Variants in RGS6 observed in about 807,000 individuals in gnomAD.
RGS6 encodes regulator of G protein signaling 6, also known as regulator of G-protein signaling 6.
In RGS6, 30 loss-of-function variants were observed where a neutral mutation model predicts 78.5. That is an observed-to-expected ratio of 0.38 (90% CI 0.29 to 0.52). The LOEUF is 0.52. Among genes scored for constraint, RGS6 ranks in the 20% least tolerant of loss-of-function variants. RGS6 has a pLI of 0.85. For missense variants in RGS6, 495 were observed against 609.7 expected, an observed-to-expected ratio of 0.81 and a Z score of 1.98; for synonymous variants, 206 against 206.0, an observed-to-expected ratio of 1.00 and a Z score of 0.00.
intron 2 of RGS6, among the ~76,000 whole-genome samples, chr14:72,268,631 A>C (rs892372305): frequency 6.6e-6 from 1 of 152,232 alleles, no homozygotes; most frequent in African/African-American, 2.4e-5. Flanking sequence ...CAGTTACTAT[A>C]AGCTACTCGT....
rs78185095 is a variant in RGS6, at chr14:72,221,906, G to A, written c.85-130189G>A. On this transcript the variant is annotated intron_variant, in intron 2 of 17. Coordinates refer to ENST00000553525, the MANE Select transcript of RGS6 (RefSeq NM_001204424.2). ...CCACTTGTTTGCAGCTCCATGGGAA[G>A]AAGTGCTAAGAAGAAAAAAGGAGAT... Among the ~76,000 whole-genome samples the A allele has an allele frequency of 8.3e-4, 126 of 152,314 alleles. 1 individual carries two copies. Among genetic ancestry groups the A allele is most frequent in the African/African-American group, 2.7e-3 (114 of 41,574 alleles).
At chr14:72,225,390 A>C (rs1459128573) in intron 2 of RGS6, among the ~76,000 whole-genome samples, 1 of 152,166 alleles carries the variant, frequency 6.6e-6, no homozygotes, top group Non-Finnish European at 1.5e-5. Context: ...TGATGCAATC[A>C]CAGCCCTCTG....
At chr14:72,293,109 G>A (rs1250063768) in intron 2 of RGS6, among the ~76,000 whole-genome samples, 2 of 152,162 alleles carry the variant, frequency 1.3e-5, no homozygotes, top group East Asian at 3.9e-4. Flanking sequence ...GTGCTAGTTA[G>A]TTTCTTTGAC....
chr14:72,212,566 T>C (rs1006955803), intron 2 of RGS6, among the ~76,000 whole-genome samples: 1 of 152,222 alleles, frequency 6.6e-6, no homozygotes, highest in Non-Finnish European at 1.5e-5. Context: ...CAGTGACACA[T>C]CAGAGATTTA....
chr14:72,074,261 A>T (rs2094501432), intron 2 of RGS6, among the ~76,000 whole-genome samples: 1 of 152,170 alleles, frequency 6.6e-6, no homozygotes, highest in African/African-American at 2.4e-5. Flanking sequence ...CAGTGGTGTG[A>T]TCATAGCGCA....
At chr14:72,082,778 T>G (rs1173219610) in intron 2 of RGS6, among the ~76,000 whole-genome samples, 43 of 152,150 alleles carry the variant, frequency 2.8e-4, no homozygotes, top group Non-Finnish European at 4.4e-5. Context: ...TATTTCACAG[T>G]GTCATGGAAA....
intron 2 of RGS6, among the ~76,000 whole-genome samples, chr14:72,035,690 T>C (rs2091595245): frequency 6.6e-6 from 1 of 152,096 alleles, no homozygotes; most frequent in African/African-American, 2.4e-5. Flanking sequence ...TAGCCAAAGT[T>C]TGAGGACATG....
intron 2 of RGS6, among the ~76,000 whole-genome samples, chr14:72,051,867 T>C (rs1020506496): frequency 6.6e-6 from 1 of 152,268 alleles, no homozygotes; most frequent in South Asian, 2.1e-4. Flanking sequence ...GACCAAAAAA[T>C]GAAAAACATT....
chr14:72,170,522 G>A (rs546478091), intron 2 of RGS6, among the ~76,000 whole-genome samples: 1 of 152,174 alleles, frequency 6.6e-6, no homozygotes, highest in Non-Finnish European at 1.5e-5. Context: ...ATTCCTATGA[G>A]AGCCCAATTA....
intron 2 of RGS6, among the ~76,000 whole-genome samples, chr14:72,179,852 G>A (rs1401416330): frequency 6.6e-6 from 1 of 152,218 alleles, no homozygotes; most frequent in East Asian, 1.9e-4. Flanking sequence ...AATCCTGGAG[G>A]TGGGTCCAGC....
chr14:72,545,908 GC>G (rs1422560792), intron 17 of RGS6, among the ~76,000 whole-genome samples: 7 of 136,376 alleles, frequency 5.1e-5, no homozygotes, highest in African/African-American at 2.4e-4. Flanking sequence ...TGGATGCCCA[GC>G]TGTGTGTGTG....
At chr14:72,185,252 C>T (rs988026005) in intron 2 of RGS6, among the ~76,000 whole-genome samples, 5 of 152,114 alleles carry the variant, frequency 3.3e-5, no homozygotes, top group Admixed American at 3.3e-4. Flanking sequence ...CTGCCTCTCC[C>T]AGTCCACTGA....
At chr14:71,942,650 A>G (rs1340389876) in intron 1 of RGS6, among the ~76,000 whole-genome samples, 2 of 152,216 alleles carry the variant, frequency 1.3e-5, no homozygotes, top group Non-Finnish European at 2.9e-5. Context: ...CTCTGGTGAC[A>G]TTGAATGTGT....
At chr14:71,872,322 T>TCCAGGACTAGGTTTG in the RGS6 span, among the ~76,000 whole-genome samples, 1,580 of 152,268 alleles carry the variant, frequency 0.01, 56 homozygotes, top group Admixed American at 0.076. Flanking sequence ...GTACACAGTT[T>TCCAGGACTAGGTTTG]CCAGGACTAG....
intron 6 of RGS6, among the ~76,000 whole-genome samples, chr14:72,461,173 A>T (rs776776836): frequency 6.6e-6 from 1 of 152,342 alleles, no homozygotes; most frequent in Middle Eastern, 3.4e-3. Flanking sequence ...TGAAAGCCCA[A>T]CTCAGAATTT....
chr14:72,250,160 C>A (rs1194861423), intron 2 of RGS6, among the ~76,000 whole-genome samples: 3 of 151,066 alleles, frequency 2.0e-5, no homozygotes, highest in Non-Finnish European at 4.4e-5. Flanking sequence ...TTAGTGGGTG[C>A]AGTGCACCAG....
At chr14:72,513,301 T>A (rs2096901257) in intron 14 of RGS6, among the ~76,000 whole-genome samples, 1 of 152,106 alleles carries the variant, frequency 6.6e-6, no homozygotes, top group Admixed American at 6.6e-5. Context: ...CCTGGATCCT[T>A]TAAGGAACAA....
At chr14:72,440,664 C>T (rs541976782) in intron 3 of RGS6, among the ~76,000 whole-genome samples, 5 of 152,204 alleles carry the variant, frequency 3.3e-5, no homozygotes, top group African/African-American at 7.2e-5. Flanking sequence ...CTGCCTGCCT[C>T]GGCCTCCCAA....
intron 2 of RGS6, among the ~76,000 whole-genome samples, chr14:72,038,376 T>G (rs2062928767): frequency 6.6e-6 from 1 of 152,206 alleles, no homozygotes; most frequent in African/African-American, 2.4e-5. Context: ...TGGCTATTCT[T>G]GTTTCTTTGC....
Sources: allele counts gnomAD v4.1 joint callset (sites outside exome capture counted in the v4.1 genomes callset), GRCh38; gene constraint gnomAD v4.1.1; transcripts MANE v1.5; gene names NCBI Gene and HGNC (gene_info 2026-07-23, HGNC 2026-07-21).